Variants in SUPT3H observed in about 807,000 individuals in gnomAD.
SUPT3H encodes the protein transcription initiation protein SPT3 homolog.
In SUPT3H, 44 loss-of-function variants were observed where a neutral mutation model predicts 44.3. The ratio of observed to expected loss-of-function variants is 0.99; its 90% confidence interval spans 0.78 to 1.28. The LOEUF (loss-of-function observed/expected upper bound fraction) is 1.28, where lower values mean the gene tolerates loss of function less well. Among genes scored for constraint, SUPT3H ranks in the 50% most tolerant of loss-of-function variants. The pLI, the probability that SUPT3H is intolerant of heterozygous loss-of-function variation, is 0.00. For missense variants in SUPT3H, 380 were observed against 387.1 expected, an observed-to-expected ratio of 0.98 and a Z score of 0.15; for synonymous variants, 124 against 125.6, an observed-to-expected ratio of 0.99 and a Z score of 0.09.
At chr6:44,816,209 G>A (rs1766900320) in intron 11 of SUPT3H, among the ~76,000 whole-genome samples, 1 of 152,132 alleles carries the variant, frequency 6.6e-6, no homozygotes, top group South Asian at 2.1e-4. Context: ...AAGGTTGTGG[G>A]ATATAGCTAA....
At chr6:45,372,565 T>C (rs1348593517) in intron 1 of SUPT3H, among the ~76,000 whole-genome samples, 1 of 152,224 alleles carries the variant, frequency 6.6e-6, no homozygotes, top group Non-Finnish European at 1.5e-5. Flanking sequence ...GTTATTTTAG[T>C]TTATAAAGTA....
chr6:45,224,807 G>GA (rs1330474070), intron 2 of SUPT3H, among the ~76,000 whole-genome samples: 8 of 150,128 alleles, frequency 5.3e-5, no homozygotes, highest in Non-Finnish European at 8.9e-5. Flanking sequence ...AAGATAGAAA[G>GA]AAAAAAACTA....
intron 2 of SUPT3H, among the ~76,000 whole-genome samples, chr6:45,352,352 A>C (rs1480272224): frequency 6.6e-6 from 1 of 152,134 alleles, no homozygotes; most frequent in Non-Finnish European, 1.5e-5. Context: ...TCAGAAAAGA[A>C]AGTGTATCAA....
At chr6:45,236,906 C>T (rs1421063467) in intron 2 of SUPT3H, among the ~76,000 whole-genome samples, 3 of 152,072 alleles carry the variant, frequency 2.0e-5, no homozygotes, top group South Asian at 2.1e-4. Flanking sequence ...CCAGTGGGGA[C>T]GGTAGGATTA....
intron 2 of SUPT3H, among the ~76,000 whole-genome samples, chr6:45,224,033 C>T (rs901154720): frequency 6.7e-6 from 1 of 148,232 alleles, no homozygotes; most frequent in Non-Finnish European, 1.5e-5. Context: ...TAAAATATAT[C>T]ATAATGTACC....
intron 6 of SUPT3H, among the ~76,000 whole-genome samples, chr6:44,999,125 T>C (rs1781663942): frequency 6.6e-6 from 1 of 152,054 alleles, no homozygotes; most frequent in South Asian, 2.1e-4. Context: ...TAAAGTAATA[T>C]GCCCTATAAA....
At chr6:44,821,324 C>T (rs1767298475) in intron 11 of SUPT3H, among the ~76,000 whole-genome samples, 1 of 152,056 alleles carries the variant, frequency 6.6e-6, no homozygotes, top group African/African-American at 2.4e-5. Flanking sequence ...TCAAATATAC[C>T]ATTAATGTGA....
At chr6:45,149,039 A>G (rs1227951680) in intron 2 of SUPT3H, among the ~76,000 whole-genome samples, 1 of 152,180 alleles carries the variant, frequency 6.6e-6, no homozygotes, top group Non-Finnish European at 1.5e-5. Flanking sequence ...GTTTTTGGAC[A>G]TCTTAAATTT....
chr6:44,861,053 T>C (rs955979557), intron 10 of SUPT3H, among the ~76,000 whole-genome samples: 1 of 151,946 alleles, frequency 6.6e-6, no homozygotes, highest in African/African-American at 2.4e-5. Flanking sequence ...ATTTTCTCAT[T>C]TTCTCAGTCA....
chr6:45,126,286 C>T (rs937765833), intron 2 of SUPT3H, among the ~76,000 whole-genome samples: 2 of 152,110 alleles, frequency 1.3e-5, no homozygotes, highest in Admixed American at 6.5e-5. Flanking sequence ...AAGCTTAAGT[C>T]CAAGATAAAA....
chr6:44,882,851 ACT>A (rs1431872298), intron 10 of SUPT3H, among the ~76,000 whole-genome samples: 38 of 152,202 alleles, frequency 2.5e-4, no homozygotes, highest in African/African-American at 8.4e-4. Context: ...CATGCTAAAA[ACT>A]CTCAATAAAC....
intron 2 of SUPT3H, among the ~76,000 whole-genome samples, chr6:45,179,644 T>C (rs1476840135): frequency 6.6e-6 from 1 of 152,154 alleles, no homozygotes; most frequent in Non-Finnish European, 1.5e-5. Context: ...ATTATCTCAA[T>C]AGATGCAGAA....
At chr6:45,146,933 T>G (rs1242738152) in intron 2 of SUPT3H, among the ~76,000 whole-genome samples, 1 of 152,108 alleles carries the variant, frequency 6.6e-6, no homozygotes, top group Non-Finnish European at 1.5e-5. Flanking sequence ...CCTTGCAACT[T>G]AATAGCAGGG....
At chr6:44,994,370 TAG>T (rs1384116322) in intron 6 of SUPT3H, among the ~76,000 whole-genome samples, 3 of 152,160 alleles carry the variant, frequency 2.0e-5, no homozygotes, top group Non-Finnish European at 2.9e-5. Flanking sequence ...GAAAACTTCC[TAG>T]AGAGTTGAAC....
chr6:44,837,738 G>A (rs1581907019), intron 10 of SUPT3H, among the ~76,000 whole-genome samples: 1 of 152,056 alleles, frequency 6.6e-6, no homozygotes, highest in Non-Finnish European at 1.5e-5. Flanking sequence ...AAACAACACT[G>A]TGAAATTATT....
intron 3 of SUPT3H, among the ~76,000 whole-genome samples, chr6:45,060,376 T>C (rs968990176): frequency 6.6e-6 from 1 of 152,088 alleles, no homozygotes; most frequent in Non-Finnish European, 1.5e-5. Context: ...TAAATGGTGC[T>C]GGGAGAACTG....
At chr6:45,030,437 T>C (rs1786735741) in intron 3 of SUPT3H, among the ~76,000 whole-genome samples, 1 of 152,216 alleles carries the variant, frequency 6.6e-6, no homozygotes, top group Non-Finnish European at 1.5e-5. Context: ...GAACGGGTTG[T>C]AGCCCTTACT....
intron 2 of SUPT3H, among the ~76,000 whole-genome samples, chr6:45,143,843 A>G (rs1805616343): frequency 2.0e-5 from 3 of 152,298 alleles, no homozygotes; most frequent in South Asian, 4.1e-4. Flanking sequence ...AATAAGCTCA[A>G]TTAGAAACAA....
rs368045541 is a variant in SUPT3H at position 45,092,521 on chromosome 6, G to A, written c.186+13401C>T. On this transcript the variant is annotated intron_variant, in intron 3 of 10. Transcript: ENST00000371459. ...ATCCCAGCATTTGGGAGGCTGAGGC[G>A]GGTGGATCACCTGAGGTCAGGAGTT... Among the ~76,000 whole-genome samples the A allele has an allele frequency of 2.6e-3, 391 of 152,088 alleles. 3 individuals are homozygous for A. Among genetic ancestry groups the A allele is most frequent in the African/African-American group, 8.6e-3 (356 of 41,480 alleles).
Sources: gnomAD v4.1 joint callset for allele counts (sites outside exome capture counted in the v4.1 genomes callset) on GRCh38, gnomAD v4.1.1 for gene constraint, MANE v1.5 for transcripts, NCBI Gene and HGNC (gene_info 2026-07-23, HGNC 2026-07-21) for gene names.